Variants in STXBP5L observed in about 807,000 individuals in gnomAD.
STXBP5L encodes the protein syntaxin binding protein 5L.
In STXBP5L, 65 loss-of-function variants were observed where a neutral mutation model predicts 144.5. That is an observed-to-expected ratio of 0.45 (90% confidence interval 0.37 to 0.55). STXBP5L has a LOEUF of 0.55. STXBP5L is among the 20% of genes least tolerant of loss of function. STXBP5L has a pLI of 0.00. For missense variants in STXBP5L, 1,298 were observed against 1,405.5 expected, an observed-to-expected ratio of 0.92 and a Z score of 1.22; for synonymous variants, 505 against 469.6, an observed-to-expected ratio of 1.08 and a Z score of -0.97.
At chr3:121,182,937 C>T (rs1418601923) in intron 9 of STXBP5L, among the ~76,000 whole-genome samples, 2 of 152,132 alleles carry the variant, frequency 1.3e-5, no homozygotes, top group African/African-American at 4.8e-5. Flanking sequence ...CCGAATTTAA[C>T]AGCATATCAA....
chr3:121,017,917 C>G (rs1945256849), intron 3 of STXBP5L, among the ~76,000 whole-genome samples: 1 of 151,848 alleles, frequency 6.6e-6, no homozygotes, highest in Non-Finnish European at 1.5e-5. Flanking sequence ...AGTTTCTAAA[C>G]AAAACCAAAA....
intron 25 of STXBP5L, among the ~76,000 whole-genome samples, chr3:121,417,403 A>G (rs2047263460): frequency 6.6e-6 from 1 of 152,182 alleles, no homozygotes; most frequent in South Asian, 2.1e-4. Context: ...ATCCATTCCA[A>G]TATTACATCC....
At chr3:121,249,584 CTT>C (rs1200783063) in intron 14 of STXBP5L, among the ~76,000 whole-genome samples, 2 of 151,994 alleles carry the variant, frequency 1.3e-5, no homozygotes, top group Non-Finnish European at 2.9e-5. Context: ...TTCCAGTATC[CTT>C]TTTATAGAAT....
chr3:121,097,598 G>T (rs1354901196), intron 5 of STXBP5L, among the ~76,000 whole-genome samples: 8 of 152,088 alleles, frequency 5.3e-5, no homozygotes, highest in Non-Finnish European at 1.0e-4. Flanking sequence ...CTTCCTGGGT[G>T]AGGCGATGCC....
intron 3 of STXBP5L, among the ~76,000 whole-genome samples, chr3:121,040,621 CT>C (rs1197636177): frequency 6.6e-6 from 1 of 151,984 alleles, no homozygotes; most frequent in Non-Finnish European, 1.5e-5. Flanking sequence ...GTCACATTTT[CT>C]TCTTTGCTAC....
intron 3 of STXBP5L, among the ~76,000 whole-genome samples, chr3:121,006,035 T>A (rs145468052): frequency 0.099 from 15,112 of 152,198 alleles, 1,185 homozygotes; most frequent in Admixed American, 0.2. Flanking sequence ...TCTGATGATT[T>A]GGGGTGGAGA....
rs377140566 is a variant in STXBP5L at position 121,419,971 on chromosome 3, T to C, written c.*874T>C. ...ATAGAGTTAGCTATGAGAACTGACT[T>C]CACAAAAAGGGAAATTTCACACACC... is the stretch of plus-strand genomic sequence containing the variant. On this transcript the variant is annotated 3_prime_UTR_variant, in exon 27 of 27. Coordinates refer to ENST00000471454, the MANE Select transcript of STXBP5L (RefSeq NM_001308330.2). 2 of 152,104 alleles carry C rather than the reference T, an allele frequency of 1.3e-5. No individual in the cohort carries two copies. Among genetic ancestry groups the C allele is most frequent in the African/African-American group, 4.8e-5 (2 of 41,426 alleles). The allele number at this position is 152,104 out of a possible 1,614,324, so 9.4% of individuals were successfully genotyped here. A position where few individuals can be genotyped will look rare whatever the true frequency, so the allele number is the denominator to read the frequency against.
intron 19 of STXBP5L, among the ~76,000 whole-genome samples, chr3:121,287,701 C>A (rs1280055718): frequency 6.6e-6 from 1 of 151,972 alleles, no homozygotes. Flanking sequence ...TGGTGGCGGG[C>A]TCCTGTAATT....
intron 5 of STXBP5L, among the ~76,000 whole-genome samples, chr3:121,053,872 G>A (rs1948230462): frequency 6.6e-6 from 1 of 151,646 alleles, no homozygotes; most frequent in Admixed American, 6.6e-5. Context: ...AATCTACAAT[G>A]AACTCAAACA....
chr3:121,103,361 A>G (rs1428590733), intron 5 of STXBP5L, among the ~76,000 whole-genome samples: 1 of 152,206 alleles, frequency 6.6e-6, no homozygotes, highest in Non-Finnish European at 1.5e-5. Flanking sequence ...TGCAGCCATA[A>G]AGAAAATGAA....
At chr3:121,120,386 C>G (rs2107846640) in intron 6 of STXBP5L, among the ~76,000 whole-genome samples, 1 of 151,238 alleles carries the variant, frequency 6.6e-6, no homozygotes, top group Non-Finnish European at 1.5e-5. Flanking sequence ...TTATGAAGCC[C>G]TGTTTAATTT....
intron 5 of STXBP5L, among the ~76,000 whole-genome samples, chr3:121,055,183 CATG>C (rs556927659): frequency 1.9e-3 from 282 of 152,152 alleles, no homozygotes; most frequent in Non-Finnish European, 2.3e-3. Context: ...TGTCATGTAA[CATG>C]AGAATATTCA....
At chr3:121,134,852 A>G (rs1455136820) in intron 7 of STXBP5L, among the ~76,000 whole-genome samples, 1 of 152,120 alleles carries the variant, frequency 6.6e-6, no homozygotes, top group East Asian at 1.9e-4. Context: ...TGTGAATAGT[A>G]CCACAATAAA....
At chr3:121,175,789 G>A (rs1309153627) in intron 9 of STXBP5L, among the ~76,000 whole-genome samples, 1 of 150,980 alleles carries the variant, frequency 6.6e-6, no homozygotes, top group Non-Finnish European at 1.5e-5. Flanking sequence ...TTTGAAAAAA[G>A]CAAGACTCAA....
At chr3:121,095,813 G>T (rs969431561) in intron 5 of STXBP5L, among the ~76,000 whole-genome samples, 3 of 152,260 alleles carry the variant, frequency 2.0e-5, no homozygotes, top group East Asian at 1.9e-4. Flanking sequence ...ATCCAGCTTT[G>T]TTCTGTTGCT....
intron 20 of STXBP5L, among the ~76,000 whole-genome samples, chr3:121,335,435 A>G (rs1378643085): frequency 6.6e-6 from 1 of 152,180 alleles, no homozygotes; most frequent in Non-Finnish European, 1.5e-5. Context: ...GTTTCACAGA[A>G]CTAGAAAAAA....
chr3:121,116,707 TATAA>T (rs1245097190), intron 6 of STXBP5L, among the ~76,000 whole-genome samples: 1 of 152,028 alleles, frequency 6.6e-6, no homozygotes, highest in African/African-American at 2.4e-5. Context: ...ACATTAATCC[TATAA>T]ATAATTATGT....
intron 9 of STXBP5L, among the ~76,000 whole-genome samples, chr3:121,191,469 A>G (rs1263788409): frequency 2.6e-5 from 4 of 152,162 alleles, no homozygotes; most frequent in Admixed American, 6.5e-5. Flanking sequence ...GGGAGTTTGC[A>G]GTGAGTCGAG....
intron 2 of STXBP5L, among the ~76,000 whole-genome samples, chr3:120,912,897 C>A (rs1232416342): frequency 1.3e-5 from 2 of 151,902 alleles, no homozygotes; most frequent in African/African-American, 4.8e-5. Flanking sequence ...CTAAAAGATA[C>A]CATATTTTCT....
Sources: gnomAD v4.1 joint callset for allele counts (sites outside exome capture counted in the v4.1 genomes callset) on GRCh38, gnomAD v4.1.1 for gene constraint, MANE v1.5 for transcripts, NCBI Gene and HGNC (gene_info 2026-07-23, HGNC 2026-07-21) for gene names.